DOCK7: variants seen among roughly 807,000 people sequenced by gnomAD.
DOCK7 encodes the protein dedicator of cytokinesis 7, also known as dedicator of cytokinesis protein 7.
Under a neutral mutation model 271.0 loss-of-function variants are expected in DOCK7, and 138 were observed. That is an observed-to-expected ratio of 0.51 (90% confidence interval 0.44 to 0.59). The LOEUF (loss-of-function observed/expected upper bound fraction) is 0.59. DOCK7 is among the 20% of genes least tolerant of loss of function. DOCK7 has a pLI of 0.00. For missense variants in DOCK7, 2,066 were observed against 2,592.4 expected, an observed-to-expected ratio of 0.80 and a Z score of 4.41; for synonymous variants, 823 against 876.1, an observed-to-expected ratio of 0.94 and a Z score of 1.07.
rs182675894 is a variant in DOCK7 at position 62,609,430 on chromosome 1, A to T, written c.1682+9276T>A. The T allele has an allele frequency of 3.9e-5, 6 of 152,332 alleles. No individual in the cohort carries two copies. The East Asian group carries it at 1.2e-3, about 29-fold the overall frequency. The allele number at this position is 152,332 out of a possible 1,614,324, so 9.4% of individuals were successfully genotyped here. ...TGTAGCTATTTATCTTAAAATACAC[A>T]GTCAAACCTCAGTTTCCACACCCAA... On this transcript the variant is annotated intron_variant, in intron 14 of 49. Transcript: ENST00000635253.
At chr1:62,587,438 C>T (rs1252912866) in intron 14 of DOCK7, among the ~76,000 whole-genome samples, 1 of 151,510 alleles carries the variant, frequency 6.6e-6, no homozygotes, top group Non-Finnish European at 1.5e-5. Context: ...TCTAAATTTT[C>T]TGAAGAGTGG....
chr1:62,682,500 C>T (rs1661282356), intron 1 of DOCK7, among the ~76,000 whole-genome samples: 1 of 151,882 alleles, frequency 6.6e-6, no homozygotes, highest in Non-Finnish European at 1.5e-5. Flanking sequence ...CTCTGAAAAG[C>T]AGTATAAAAA....
chr1:62,468,086 C>T (rs1053231160), intron 48 of DOCK7, among the ~76,000 whole-genome samples: 5 of 152,110 alleles, frequency 3.3e-5, no homozygotes, highest in Admixed American at 1.3e-4. Flanking sequence ...CAAGGCCGGG[C>T]GCGGTGGCTC....
chr1:62,622,318 C>G (rs1055136991), intron 12 of DOCK7, among the ~76,000 whole-genome samples: 16 of 152,272 alleles, frequency 1.1e-4, no homozygotes, highest in African/African-American at 3.9e-4. Flanking sequence ...TGGTTGTTTA[C>G]TGTCCTGTAC....
At position 62,538,074 on chromosome 1, in the gene DOCK7, G is replaced by A; in HGVS notation, c.3301-13C>T. 6.2e-7 allele frequency: 1 copy of A among 1,606,976 alleles called. No individual in the cohort carries two copies. Among genetic ancestry groups the A allele is most frequent in the Non-Finnish European group, 8.5e-7 (1 of 1,176,024 alleles). Reference sequence around the variant, plus strand: ...GCTTTGAAGACACCTTGTAAGCAATGCATAAGTAAGAGAACACCAATTGAA... The same window carrying A: ...GCTTTGAAGACACCTTGTAAGCAATACATAAGTAAGAGAACACCAATTGAA... On this transcript the variant is annotated splice_polypyrimidine_tract_variant and intron_variant, in intron 27 of 49. Transcript: ENST00000635253.
At position 62,604,715 on chromosome 1, in the gene DOCK7, G is replaced by A. The variant is rs1650709545; in HGVS notation, c.1682+13991C>T. ...AACCAAGAGCAAAATCTAAGCCAGA[G>A]AGGAGAAGAGGATTATCTTGGAAGT... On this transcript the variant is annotated intron_variant, in intron 14 of 49. Transcript: ENST00000635253. 3 of 1,613,188 alleles carry A rather than the reference G, an allele frequency of 1.9e-6. No individual in the cohort carries two copies. The East Asian group carries it at 6.7e-5, about 36-fold the overall frequency.
At chr1:62,523,854 A>G (rs1644922232) in intron 31 of DOCK7, among the ~76,000 whole-genome samples, 1 of 152,084 alleles carries the variant, frequency 6.6e-6, no homozygotes, top group African/African-American at 2.4e-5. Flanking sequence ...GTGACAGAGC[A>G]AGACTCTGTC....
intron 15 of DOCK7, among the ~76,000 whole-genome samples, 188 bp downstream of exon 15, chr1:62,586,319 A>G (rs1227131019): frequency 3.3e-5 from 5 of 152,182 alleles, no homozygotes; most frequent in Non-Finnish European, 7.4e-5. Context: ...CCTAACATAT[A>G]CCAAGTCTTC....
At position 62,646,450 on chromosome 1, in the gene DOCK7, AATAAGCCCTTT is replaced by A. The variant is rs575562826; in HGVS notation, c.818+1230_818+1240del. Among the ~76,000 whole-genome samples the A allele has an allele frequency of 7.0e-4, 106 of 152,254 alleles. 2 individuals carry two copies. The highest frequency in any genetic ancestry group is 3.4e-3 in the Middle Eastern group (1 of 294). ...AACCCCCAATGTGACTGTAATTGGA[AATAAGCCCTTT>A]AGGGCTTATTAAGGTTAAATGAGGT... is the stretch of plus-strand genomic sequence containing the variant. On this transcript the variant is annotated intron_variant, in intron 7 of 49. Transcript: ENST00000635253.
intron 37 of DOCK7, among the ~76,000 whole-genome samples, chr1:62,497,458 C>G (rs1646656069): frequency 1.3e-5 from 2 of 152,060 alleles, no homozygotes; most frequent in Non-Finnish European, 2.9e-5. Context: ...ACCTTCTCTC[C>G]CTATTGATTA....
At chr1:62,604,035 T>A in intron 14 of DOCK7, 1 of 1,613,088 alleles carries the variant, frequency 6.2e-7, no homozygotes, top group Non-Finnish European at 8.5e-7. Context: ...GTTTTACGAA[T>A]TGAGTTGGAA....
intron 1 of DOCK7, among the ~76,000 whole-genome samples, chr1:62,664,704 T>C (rs2149721514): frequency 6.6e-6 from 1 of 151,562 alleles, no homozygotes; most frequent in African/African-American, 2.4e-5. Context: ...GAAGAGAGAA[T>C]GTATAAGAAC....
chr1:62,502,201 T>C (rs1225219531), intron 37 of DOCK7, among the ~76,000 whole-genome samples: 1 of 152,096 alleles, frequency 6.6e-6, no homozygotes, highest in Non-Finnish European at 1.5e-5. Flanking sequence ...AATGAACTAA[T>C]AAATTGGAAA....
At chr1:62,584,924 AG>A (rs902652457) in intron 15 of DOCK7, 1 of 690,578 alleles carries the variant, frequency 1.4e-6, no homozygotes, top group African/African-American at 1.8e-5. Flanking sequence ...AGAGTTTGTT[AG>A]GTAAACAATA....
At chr1:62,593,430 C>G (rs1338535603) in intron 14 of DOCK7, among the ~76,000 whole-genome samples, 1 of 151,936 alleles carries the variant, frequency 6.6e-6, no homozygotes, top group Non-Finnish European at 1.5e-5. Context: ...ATTAGCCAGG[C>G]TTGGTTGGGG....
intron 7 of DOCK7, chr1:62,641,407 A>C (rs1305598735): frequency 2.5e-6 from 1 of 399,936 alleles, no homozygotes; most frequent in African/African-American, 2.1e-5. Context: ...GTGGGATCCC[A>C]TCAAACATCT....
intron 18 of DOCK7, among the ~76,000 whole-genome samples, chr1:62,574,526 G>C (rs1278618348): frequency 6.6e-6 from 1 of 152,176 alleles, no homozygotes; most frequent in African/African-American, 2.4e-5. Flanking sequence ...ACTTGATGGA[G>C]ATGAGTGCTT....
intron 49 of DOCK7, among the ~76,000 whole-genome samples, chr1:62,456,767 G>C (rs1370204490): frequency 6.6e-6 from 1 of 152,074 alleles, no homozygotes; most frequent in Non-Finnish European, 1.5e-5. Flanking sequence ...GGCTCTCTGG[G>C]ATCTCTGACC....
At chr1:62,687,778 G>A (rs1661980642) in intron 1 of DOCK7, 1 of 152,708 alleles carries the variant, frequency 6.5e-6, no homozygotes, top group Admixed American at 6.5e-5. Context: ...TTGGGGTGGA[G>A]GAGGGCGGAC....
Sources: allele counts gnomAD v4.1 joint callset (sites outside exome capture counted in the v4.1 genomes callset), GRCh38; gene constraint gnomAD v4.1.1; transcripts MANE v1.5; gene names NCBI Gene and HGNC (gene_info 2026-07-23, HGNC 2026-07-21).